Variants in LTN1 observed in about 807,000 individuals in gnomAD.
The protein encoded by LTN1 is E3 ubiquitin-protein ligase listerin.
A neutral mutation model predicts 201.2 loss-of-function variants in LTN1; 88 were observed. The observed-to-expected ratio is 0.44, with a 90% CI of 0.37 to 0.52. The LOEUF (loss-of-function observed/expected upper bound fraction) is 0.52, where lower values mean the gene tolerates loss of function less well. Ranked by LOEUF, LTN1 falls within the 20% of genes least tolerant of loss-of-function variation. The pLI, the probability that LTN1 is intolerant of heterozygous loss-of-function variation, is 0.00. For missense variants in LTN1, 1,752 were observed against 2,038.7 expected (o/e 0.86, Z 2.71); for synonymous variants, 645 against 713.5 (o/e 0.90, Z 1.53).
chr21:28,944,297 T>G, intron 22 of LTN1, 86 bp downstream of exon 22: 5 of 1,007,838 alleles, frequency 5.0e-6, no homozygotes, highest in Non-Finnish European at 7.6e-6. Flanking sequence ...TATTATTTGA[T>G]TTAAACATCA....
At position 28,957,143 on chromosome 21, in the gene LTN1, C is replaced by T. The variant is rs556500711; in HGVS notation, c.2892+189G>A. Among the ~76,000 whole-genome samples, 14 of 152,234 alleles carry T rather than the reference C, an allele frequency of 9.2e-5. No homozygotes were observed. The East Asian group carries it at 2.3e-3, about 25-fold the overall frequency. On this transcript the variant is annotated intron_variant, in intron 15 of 29. Transcript: ENST00000361371. ...AGAACTAGGTCCTAAGTCTTTGTAC[C>T]ATGCCCACTGCCACTGTCAAATGGT...
intron 5 of LTN1, 54 bp downstream of exon 5, chr21:28,982,262 C>A: frequency 7.1e-7 from 1 of 1,407,592 alleles, no homozygotes. Context: ...CATCTGATTA[C>A]TTATGAGTGA....
intron 11 of LTN1, among the ~76,000 whole-genome samples, chr21:28,965,313 A>G (rs917101617): frequency 3.9e-5 from 6 of 152,234 alleles, no homozygotes; most frequent in Admixed American, 3.9e-4. Context: ...TTACATCCTC[A>G]TTAGGAAAGA....
chr21:28,954,354 A>T (rs2282096), intron 16 of LTN1, among the ~76,000 whole-genome samples: 24,537 of 152,130 alleles, frequency 0.16, 2,386 homozygotes, highest in East Asian at 0.49. Flanking sequence ...AGACTGATAC[A>T]GGGTTTCTGC....
At chr21:28,953,471 T>C in intron 16 of LTN1, 95 bp from the exon 17 acceptor site, 1 of 854,896 alleles carries the variant, frequency 1.2e-6, no homozygotes, top group Non-Finnish European at 1.8e-6. Flanking sequence ...AACACTGTTG[T>C]GCCCACTCAT....
chr21:28,942,565 C>T (rs1442793720), intron 24 of LTN1, among the ~76,000 whole-genome samples: 3 of 152,088 alleles, frequency 2.0e-5, no homozygotes, highest in Non-Finnish European at 4.4e-5. Context: ...AAGATATTAT[C>T]AATAAAACTA....
chr21:28,931,998 C>A (rs78035980), intron 28 of LTN1, among the ~76,000 whole-genome samples: 5,354 of 150,490 alleles, frequency 0.036, 113 homozygotes, highest in Middle Eastern at 0.11. Flanking sequence ...AGCAAAAACT[C>A]TTAAAAAAAA....
chr21:28,971,149 T>C (rs1462353227), intron 7 of LTN1, 122 bp downstream of exon 7: 1 of 825,310 alleles, frequency 1.2e-6, no homozygotes, highest in East Asian at 2.7e-5. Context: ...TTTTAGTCAC[T>C]TTAAGATTTA....
Position 28,944,535 on chromosome 21 carries a change from C to T in LTN1, c.3830G>A (p.Ser1277Asn). The change falls in exon 22 of 30, where the codon AGC becomes AAC. Residue 1277 changes from serine to asparagine, a missense_variant. Physicochemically the swap from Ser to Asn is conservative, Grantham distance 46. Coordinates refer to ENST00000361371, the MANE Select transcript of LTN1 (RefSeq NM_015565.3). Reference sequence around the variant, plus strand: ...ACTGAGGTCACAGGCCAAATCACAGCTGACACAGGCAAACAGTTGCACAAG... The same window carrying T: ...ACTGAGGTCACAGGCCAAATCACAGTTGACACAGGCAAACAGTTGCACAAG... ...IPLVQLFACV[S>N]CDLACDLSAF... The T allele has an allele frequency of 6.2e-7, 1 of 1,613,998 alleles. No homozygotes were observed. Among genetic ancestry groups the T allele is most frequent in the Non-Finnish European group, 8.5e-7 (1 of 1,179,952 alleles).
intron 6 of LTN1, among the ~76,000 whole-genome samples, chr21:28,977,984 G>C (rs2084629802): frequency 6.6e-6 from 1 of 150,420 alleles, no homozygotes; most frequent in Non-Finnish European, 1.5e-5. Flanking sequence ...GGTATAACAA[G>C]AAACAGAGAC....
At chr21:28,989,087 G>A (rs899615341) in intron 1 of LTN1, among the ~76,000 whole-genome samples, 1 of 151,936 alleles carries the variant, frequency 6.6e-6, no homozygotes, top group Non-Finnish European at 1.5e-5. Context: ...CTCAATATTG[G>A]TACATGAATA....
At position 28,956,765 on chromosome 21, in the gene LTN1, T is replaced by C; in HGVS notation, c.3076A>G (p.Ile1026Val). The change falls in exon 16 of 30, where the codon ATA (isoleucine) becomes GTA (valine). Residue 1026 changes from isoleucine to valine, a missense_variant. Ile to Val is a conservative substitution (Grantham distance 29, BLOSUM62 3). Around this residue, in one of 3 missense-constraint regions of LTN1, gnomAD observed 1,211 missense variants for 1,312.8 expected, o/e 0.92. Coordinates refer to ENST00000361371, the MANE Select transcript of LTN1 (RefSeq NM_015565.3). ...GTAAATACTCATATATACTTACTTATTTTCTCAAGCTCATTATTTTCTAAG... is the reference window on the plus strand; with the variant it reads ...GTAAATACTCATATATACTTACTTACTTTCTCAAGCTCATTATTTTCTAAG... ...TVLENNELEK[I>V]IAELLYSLQW... is the part of the protein sequence containing the mutation. 1.3e-6 allele frequency: 2 copies of C among 1,572,014 alleles called. No homozygotes were observed. The highest frequency in any genetic ancestry group is 1.2e-5 in the South Asian group (1 of 86,202).
chr21:28,936,022 C>T (rs2084254123), intron 26 of LTN1, among the ~76,000 whole-genome samples: 1 of 152,088 alleles, frequency 6.6e-6, no homozygotes, highest in Admixed American at 6.5e-5. Flanking sequence ...CTTTACTTTC[C>T]CCAGAGCTTG....
chr21:28,958,074 C>A (rs1194274177), intron 14 of LTN1, among the ~76,000 whole-genome samples: 1 of 152,186 alleles, frequency 6.6e-6, no homozygotes, highest in Non-Finnish European at 1.5e-5. Context: ...AATGGATGGT[C>A]ATTGAAACAA....
intron 1 of LTN1, among the ~76,000 whole-genome samples, chr21:28,990,199 A>G (rs536636601): frequency 7.9e-5 from 12 of 152,270 alleles, no homozygotes; most frequent in Admixed American, 7.9e-4. Flanking sequence ...ATTTGCTTAC[A>G]TATGTGTCTG....
Position 28,947,487 on chromosome 21 carries a change from T to C in LTN1, c.3464A>G (p.Lys1155Arg). 1 of 1,540,594 alleles carries C rather than the reference T, an allele frequency of 6.5e-7. No individual in the cohort carries two copies. The highest frequency in any genetic ancestry group is 8.7e-7 in the Non-Finnish European group (1 of 1,149,512). ...ACCATTAGTGCTGCAAAGATCTTTC[T>C]TAGTCCAGCCCAAAAGAGCAGGTAT... ...QCIPALLGWT[K>R]KDLCSTNGGF... is the part of the protein sequence containing the mutation. Residue 1155 changes from lysine (K) to arginine (R), a missense_variant, in exon 19 of 30, where the codon AAG becomes AGG. By Grantham distance (26) the Lys-to-Arg change is conservative. This residue lies in a region of LTN1 where 1,211 missense variants were observed against 1,312.8 expected (regional missense o/e 0.92). Transcript: ENST00000361371.
intron 11 of LTN1, among the ~76,000 whole-genome samples, chr21:28,963,297 G>A (rs185144772): frequency 2.2e-4 from 34 of 152,290 alleles, no homozygotes; most frequent in Admixed American, 1.8e-3. Flanking sequence ...GCTGACTCTC[G>A]TTAGGGGCTA....
At chr21:28,967,230 C>T in intron 9 of LTN1, 51 bp from the exon 10 acceptor site, 1 of 1,246,210 alleles carries the variant, frequency 8.0e-7, no homozygotes. Context: ...CTTCAACCCC[C>T]ATCTCCTGGC....
chr21:28,958,607 G>A, intron 13 of LTN1, 68 bp from the exon 14 acceptor site: 3 of 1,155,386 alleles, frequency 2.6e-6, no homozygotes, highest in Non-Finnish European at 3.7e-6. Flanking sequence ...CAAAATGTTT[G>A]AAACAACTCT....
Sources: allele counts gnomAD v4.1 joint callset (sites outside exome capture counted in the v4.1 genomes callset), GRCh38; gene constraint gnomAD v4.1.1; regional missense constraint gnomAD v4.1.1; transcripts MANE v1.5; gene names NCBI Gene and HGNC (gene_info 2026-07-23, HGNC 2026-07-21).